TRPM8: variants seen among roughly 807,000 people sequenced by gnomAD.
The protein encoded by TRPM8 is TRPM8 cationic channel.
TRPM8 carries 110 observed loss-of-function variants against 133.7 expected under a neutral mutation model. That is an observed-to-expected ratio of 0.82 (90% confidence interval 0.70 to 0.96). TRPM8 has a LOEUF of 0.96. TRPM8 is among the 40% of genes least tolerant of loss of function. The pLI, the probability that TRPM8 is intolerant of heterozygous loss-of-function variation, is 0.00. For missense variants in TRPM8, 1,291 were observed against 1,379.5 expected, an observed-to-expected ratio of 0.94 and a Z score of 1.02; for synonymous variants, 535 against 532.3, an observed-to-expected ratio of 1.01 and a Z score of -0.07.
At chr2:233,939,759 C>G (rs1326895453) in intron 5 of TRPM8, among the ~76,000 whole-genome samples, 1 of 152,176 alleles carries the variant, frequency 6.6e-6, no homozygotes, top group Non-Finnish European at 1.5e-5. Flanking sequence ...AACATTTCCC[C>G]ACGTTTGTCT....
At position 234,006,952 on chromosome 2, in the gene TRPM8, A is replaced by G; in HGVS notation, c.3230A>G (p.Glu1077Gly). ...ACAAAAGCCAACGACACCTCAGAGG[A>G]GTATGTCAGACATCCCTTTCTGCTT... ...INTKANDTSE[E>G]MRHRFRQLDT... Residue 1077 changes from glutamate (E) to glycine (G), a missense_variant and splice_region_variant, in exon 23 of 26, where the codon GAA becomes GGA. Glu to Gly is a moderately conservative substitution (Grantham distance 98). Around this residue, in one of 2 missense-constraint regions of TRPM8, gnomAD observed 328 missense variants for 410.6 expected, o/e 0.80. Coordinates refer to ENST00000324695, the MANE Select transcript of TRPM8 (RefSeq NM_024080.5). The G allele has an allele frequency of 6.2e-7, 1 of 1,611,342 alleles. No homozygotes were observed.
In TRPM8 at chr2:233,980,173, C is replaced by G. The variant is rs762593290; in HGVS notation, c.2356-15C>G. On this transcript the variant is annotated splice_polypyrimidine_tract_variant and intron_variant, in intron 17 of 25. Coordinates refer to ENST00000324695, the MANE Select transcript of TRPM8 (RefSeq NM_024080.5). Reference sequence around the variant, plus strand: ...CAAGCTGCTGATGTCCCTCTCTGTCCCTTTCTGTACGCAGTGGTACGTAAA... The same window carrying G: ...CAAGCTGCTGATGTCCCTCTCTGTCGCTTTCTGTACGCAGTGGTACGTAAA... The G allele has an allele frequency of 9.0e-6, 14 of 1,562,898 alleles. No homozygotes were observed. Among genetic ancestry groups the G allele is most frequent in the African/African-American group, 1.4e-5 (1 of 73,280 alleles).
chr2:233,968,074 C>G (rs1691619631), intron 15 of TRPM8: 2 of 152,182 alleles, frequency 1.3e-5, no homozygotes, highest in African/African-American at 4.8e-5. Flanking sequence ...CAGAATGCTG[C>G]CAGTGACCAT....
At chr2:233,952,486 G>A (rs1306175666) in intron 9 of TRPM8, among the ~76,000 whole-genome samples, 1 of 151,906 alleles carries the variant, frequency 6.6e-6, no homozygotes, top group Non-Finnish European at 1.5e-5. Flanking sequence ...GTGGTGGTGG[G>A]AACAGCATGT....
intron 19 of TRPM8, among the ~76,000 whole-genome samples, chr2:233,982,170 G>A (rs905295507): frequency 6.6e-6 from 1 of 152,190 alleles, no homozygotes. Context: ...TACTTCACAA[G>A]TTACTTTCAT....
Position 233,994,752 on chromosome 2 carries a change from C to T in TRPM8, c.2940-1574C>T, listed in dbSNP as rs888238115. 7.9e-5 allele frequency among the ~76,000 whole-genome samples: 12 copies of T among 152,084 alleles called. No homozygotes were observed. The East Asian group carries it at 2.1e-3, about 27-fold the overall frequency. Reference sequence around the variant, plus strand: ...GTACTAAGGTGCAAGAATGAGGTCTCGTAACATATGTAATCGATTTTTCTG... The same window carrying T: ...GTACTAAGGTGCAAGAATGAGGTCTTGTAACATATGTAATCGATTTTTCTG... On this transcript the variant is annotated intron_variant, in intron 21 of 25. Transcript: ENST00000324695.
At chr2:233,956,173 TC>T (rs1343160714) in intron 11 of TRPM8, among the ~76,000 whole-genome samples, 1 of 151,770 alleles carries the variant, frequency 6.6e-6, no homozygotes, top group Non-Finnish European at 1.5e-5. Context: ...CCCAAGACCA[TC>T]CCCCCAGCCT....
intron 11 of TRPM8, among the ~76,000 whole-genome samples, chr2:233,958,792 A>G (rs114519414): frequency 1.8e-3 from 273 of 152,252 alleles, no homozygotes; most frequent in Non-Finnish European, 2.7e-3. Context: ...TCCCCATGAG[A>G]CCAACATTAG....
chr2:233,943,953 G>A (rs187129165), intron 6 of TRPM8, among the ~76,000 whole-genome samples: 2 of 152,146 alleles, frequency 1.3e-5, no homozygotes, highest in African/African-American at 4.8e-5. Flanking sequence ...TATATAAGGG[G>A]CAGGGGAGAG....
rs199933698 is a variant in TRPM8, at chr2:233,970,357, G to A, written c.2286G>A (p.Ser762=). The A allele has an allele frequency of 2.5e-5, 41 of 1,613,904 alleles. No homozygotes were observed. The highest frequency in any genetic ancestry group is 4.4e-5 in the South Asian group (4 of 91,074). The change falls in exon 17 of 26, where the codon TCG becomes TCA. Residue 762 remains serine, a synonymous_variant. Transcript: ENST00000324695. ...ACGTGCTGCTCATGGATTTCCATTC[G>A]GTGCCACACCCCCCCGAGCTGGTCC... ...FAYVLLMDFH[S]VPHPPELVLY...
intron 11 of TRPM8, among the ~76,000 whole-genome samples, chr2:233,959,944 A>T (rs1022908679): frequency 3.7e-5 from 5 of 134,920 alleles, no homozygotes; most frequent in African/African-American, 1.1e-4. Flanking sequence ...ACCACACCTA[A>T]TTTTTTTTTT....
At chr2:233,946,982 C>T (rs1691059581) in intron 7 of TRPM8, 106 bp from the exon 8 acceptor site, 2 of 959,868 alleles carry the variant, frequency 2.1e-6, no homozygotes, top group Non-Finnish European at 1.6e-6. Context: ...AGCTATCTCT[C>T]CACACCCTAG....
At chr2:233,969,946 T>C in intron 16 of TRPM8, 139 bp downstream of exon 16, 1 of 734,362 alleles carries the variant, frequency 1.4e-6, no homozygotes, top group East Asian at 2.5e-5. Flanking sequence ...AATTTGGTCT[T>C]GTTTCTCCCC....
intron 17 of TRPM8, among the ~76,000 whole-genome samples, chr2:233,976,019 A>G (rs1253397248): frequency 1.3e-5 from 2 of 152,230 alleles, no homozygotes; most frequent in Non-Finnish European, 2.9e-5. Context: ...AGCTGCAGGG[A>G]GATTTGTCTT....
At chr2:233,992,308 TA>T (rs991875525) in intron 21 of TRPM8, among the ~76,000 whole-genome samples, 35 of 152,116 alleles carry the variant, frequency 2.3e-4, no homozygotes, top group Non-Finnish European at 3.7e-4. Context: ...AAAAGGATGT[TA>T]TATGTTGCCA....
At chr2:233,939,818 A>T (rs1389626731) in intron 5 of TRPM8, among the ~76,000 whole-genome samples, 2 of 152,190 alleles carry the variant, frequency 1.3e-5, no homozygotes, top group African/African-American at 2.4e-5. Flanking sequence ...GAACCGTTGA[A>T]AGCAGGTTGC....
In TRPM8 at chr2:233,917,437, G is replaced by A. The variant is rs1691325612; in HGVS notation, c.-6+5G>A. On this transcript the variant is annotated splice_donor_5th_base_variant and intron_variant, in intron 1 of 25. Coordinates refer to ENST00000324695, the MANE Select transcript of TRPM8 (RefSeq NM_024080.5). The stretch of plus-strand genomic sequence containing the variant: ...TGACAAAAACCGTCACTTAGGGTAT[G>A]TCATCAACTTTTGCTTTTTGCTTCT... The A allele has an allele frequency of 6.6e-6, 1 of 152,196 alleles. No homozygotes were observed. The highest frequency in any genetic ancestry group is 1.5e-5 in the Non-Finnish European group (1 of 68,034). The allele number at this position is 152,196 out of a possible 1,614,324, so 9.4% of individuals were successfully genotyped here. A position where few individuals can be genotyped will look rare whatever the true frequency, so the allele number is the denominator to read the frequency against.
chr2:234,005,927 T>TACACACACACACAC lies in TRPM8; in HGVS notation c.3131-898_3131-885dup, dbSNP rs35379195. Among the ~76,000 whole-genome samples the TACACACACACACAC allele has an allele frequency of 7.7e-3, 1,044 of 136,028 alleles. 9 individuals carry two copies. The highest frequency in any genetic ancestry group is 0.016 in the African/African-American group (549 of 35,088). 89.2% of individuals were successfully genotyped at this position (136,028 alleles called of 152,430 possible). On this transcript the variant is annotated intron_variant, in intron 22 of 25. Transcript: ENST00000324695. ...TGGGTGACAAGAGCGAAACGTCATC[T>TACACACACACACAC]ACACACACACACACACACACACACA... is the stretch of plus-strand genomic sequence containing the variant.
In TRPM8 at chr2:233,950,160, AC is replaced by A; in HGVS notation, c.1140+16del. The A allele has an allele frequency of 1.2e-6, 2 of 1,609,012 alleles. No individual in the cohort carries two copies. The highest frequency in any genetic ancestry group is 4.5e-5 in the East Asian group (2 of 44,800). The stretch of plus-strand genomic sequence containing the variant: ...TGGATCAAATGGGTAAGTTGTCGGG[AC>A]CATGTCTGAGGGCTGAGAAAATAAG... On this transcript the variant is annotated intron_variant, in intron 9 of 25. Coordinates refer to ENST00000324695, the MANE Select transcript of TRPM8 (RefSeq NM_024080.5).
Sources: allele counts gnomAD v4.1 joint callset (sites outside exome capture counted in the v4.1 genomes callset), GRCh38; gene constraint gnomAD v4.1.1; regional missense constraint gnomAD v4.1.1; transcripts MANE v1.5; gene names NCBI Gene and HGNC (gene_info 2026-07-23, HGNC 2026-07-21).